ESRRB: variants seen among roughly 807,000 people sequenced by gnomAD.
ESRRB encodes estrogen related receptor beta.
ESRRB carries 16 observed loss-of-function variants against 46.0 expected under a neutral mutation model. The ratio of observed to expected loss-of-function variants is 0.35; its 90% CI spans 0.24 to 0.53. The LOEUF is 0.53. Among genes scored for constraint, ESRRB ranks in the 20% least tolerant of loss-of-function variants. The probability of loss-of-function intolerance (pLI) is 0.93; values close to 1 mark genes in which losing one functional copy is unlikely to be tolerated. For synonymous variants in ESRRB, 246 were observed against 259.6 expected (o/e 0.95, Z 0.50); for missense variants, 488 against 607.4 (o/e 0.80, Z 2.07).
chr14:76,370,599 G>T (rs1401501648), upstream of ESRRB, among the ~76,000 whole-genome samples: 1 of 152,100 alleles, frequency 6.6e-6, no homozygotes, highest in Non-Finnish European at 1.5e-5. Context: ...TACTATCGAG[G>T]TATGGTATTC....
intron 1 of ESRRB, among the ~76,000 whole-genome samples, chr14:76,422,206 C>CTTTTTT (rs552738537): frequency 1.7e-4 from 16 of 94,764 alleles, no homozygotes; most frequent in Non-Finnish European, 2.3e-4. Flanking sequence ...ACATTTCCTT[C>CTTTTTT]TTTTTTTTTT....
At chr14:76,387,584 G>A (rs963974646) in intron 1 of ESRRB, among the ~76,000 whole-genome samples, 1 of 152,154 alleles carries the variant, frequency 6.6e-6, no homozygotes, top group Non-Finnish European at 1.5e-5. Flanking sequence ...CACCATGCAT[G>A]CATGCACACC....
intron 3 of ESRRB, among the ~76,000 whole-genome samples, chr14:76,480,780 T>C (rs1039507398): frequency 5.9e-5 from 9 of 152,214 alleles, no homozygotes; most frequent in Non-Finnish European, 1.0e-4. Flanking sequence ...GAAAGGGCCC[T>C]GAAGGTCAAC....
At chr14:76,335,066 T>C (rs1884110148) in intron 1 of ESRRB, among the ~76,000 whole-genome samples, 1 of 152,194 alleles carries the variant, frequency 6.6e-6, no homozygotes, top group South Asian at 2.1e-4. Context: ...CCCTCTCTGA[T>C]GAAGGGCGCC....
chr14:76,449,772 T>TTC (rs898449579), intron 2 of ESRRB, among the ~76,000 whole-genome samples: 3 of 149,982 alleles, frequency 2.0e-5, no homozygotes, highest in African/African-American at 7.4e-5. Context: ...TTTTTTTTTT[T>TTC]TTTTTTGGTC....
At chr14:76,430,779 G>T (rs963045437) in intron 1 of ESRRB, among the ~76,000 whole-genome samples, 1 of 152,212 alleles carries the variant, frequency 6.6e-6, no homozygotes, top group Non-Finnish European at 1.5e-5. Context: ...CCATTAAGTG[G>T]CCCAGCTGCT....
chr14:76,324,718 G>A (rs1377010268), intron 1 of ESRRB, among the ~76,000 whole-genome samples: 1 of 152,184 alleles, frequency 6.6e-6, no homozygotes, highest in Non-Finnish European at 1.5e-5. Context: ...GGCAGAGGAA[G>A]GGGAATCACT....
intron 1 of ESRRB, among the ~76,000 whole-genome samples, chr14:76,350,122 G>C (rs1386798602): frequency 6.6e-6 from 1 of 152,048 alleles, no homozygotes; most frequent in East Asian, 1.9e-4. Flanking sequence ...CCCATCCTGG[G>C]GGAGGTTCCC....
chr14:76,493,959 G>T (rs146124195), intron 6 of ESRRB, among the ~76,000 whole-genome samples: 13 of 152,318 alleles, frequency 8.5e-5, no homozygotes, highest in African/African-American at 2.9e-4. Flanking sequence ...TCAGAGCCCT[G>T]CATGGGATCA....
intron 1 of ESRRB, among the ~76,000 whole-genome samples, chr14:76,352,565 C>T (rs532171663): frequency 9.2e-5 from 14 of 152,138 alleles, no homozygotes; most frequent in Non-Finnish European, 1.8e-4. Flanking sequence ...GGAGCCAGAC[C>T]CTGGGCCTTC....
chr14:76,372,316 G>A (rs114907789), upstream of ESRRB, among the ~76,000 whole-genome samples: 270 of 152,280 alleles, frequency 1.8e-3, 2 homozygotes, highest in African/African-American at 6.3e-3. Context: ...GCCACCTGGA[G>A]CATTGCTTAC....
intron 1 of ESRRB, among the ~76,000 whole-genome samples, chr14:76,399,376 C>T (rs576016192): frequency 6.6e-6 from 1 of 152,232 alleles, no homozygotes; most frequent in East Asian, 1.9e-4. Flanking sequence ...AGAATCCCAA[C>T]TCCCTGAATC....
intron 1 of ESRRB, among the ~76,000 whole-genome samples, chr14:76,420,558 A>AGTGT (rs61137774): frequency 0.061 from 8,684 of 142,328 alleles, 357 homozygotes; most frequent in Admixed American, 0.13. Flanking sequence ...ACAGGGTGTG[A>AGTGT]GTGTGTGTGT....
intron 1 of ESRRB, among the ~76,000 whole-genome samples, chr14:76,400,992 G>T (rs779239737): frequency 2.6e-5 from 4 of 152,174 alleles, no homozygotes; most frequent in Non-Finnish European, 5.9e-5. Flanking sequence ...GCAGGGAGTT[G>T]CCAGACACAT....
At chr14:76,391,938 G>T (rs1158594444) in intron 1 of ESRRB, among the ~76,000 whole-genome samples, 2 of 152,186 alleles carry the variant, frequency 1.3e-5, no homozygotes, top group African/African-American at 4.8e-5. Flanking sequence ...CACCTTGCCA[G>T]GCTCCAACTC....
chr14:76,332,639 TTTA>T, intron 1 of ESRRB, among the ~76,000 whole-genome samples: 1 of 47,146 alleles, frequency 2.1e-5, no homozygotes, highest in African/African-American at 9.6e-5. Flanking sequence ...ATTATATATA[TTTA>T]TATATTATAT....
intron 1 of ESRRB, among the ~76,000 whole-genome samples, chr14:76,425,362 A>G (rs1005991996): frequency 6.6e-6 from 1 of 152,110 alleles, no homozygotes; most frequent in Non-Finnish European, 1.5e-5. Context: ...GGATCTCCCT[A>G]TCACTGGGGT....
At position 76,499,571 on chromosome 14, in the gene ESRRB, C is replaced by G. The variant is rs1890580942; in HGVS notation, c.*1113C>G. The G allele has an allele frequency of 2.0e-6, 1 of 497,060 alleles. No homozygotes were observed. The highest frequency in any genetic ancestry group is 1.9e-5 in the African/African-American group (1 of 51,682). The allele number at this position is 497,060 out of a possible 1,614,324, so 30.8% of individuals were successfully genotyped here. Reference sequence around the variant, plus strand: ...CTGCACTCAGCATCATGCCACAGGGCTAGTGTACCAGTGCCACAGGAGGGG... The same window carrying G: ...CTGCACTCAGCATCATGCCACAGGGGTAGTGTACCAGTGCCACAGGAGGGG... On this transcript the variant is annotated 3_prime_UTR_variant, in exon 7 of 7. Coordinates refer to ENST00000644823, the MANE Select transcript of ESRRB (RefSeq NM_001379180.1).
chr14:76,404,847 C>A (rs1269733204), intron 1 of ESRRB, among the ~76,000 whole-genome samples: 2 of 152,138 alleles, frequency 1.3e-5, no homozygotes, highest in Non-Finnish European at 2.9e-5. Context: ...TTGTTGTGGG[C>A]AGTAAACTAT....
Sources: gnomAD v4.1 joint callset for allele counts (sites outside exome capture counted in the v4.1 genomes callset) on GRCh38, gnomAD v4.1.1 for gene constraint, MANE v1.5 for transcripts, NCBI Gene and HGNC (gene_info 2026-07-23, HGNC 2026-07-21) for gene names.